Variants in ADAP1 observed in about 807,000 individuals in gnomAD.
ADAP1 encodes the protein arf-GAP with dual PH domain-containing protein 1.
In ADAP1, 31 loss-of-function variants were observed where a neutral mutation model predicts 54.9. That is an observed-to-expected ratio of 0.56 (90% CI 0.42 to 0.76). ADAP1 has a LOEUF of 0.76. ADAP1 is among the 30% of genes least tolerant of loss of function. ADAP1 has a pLI of 0.00. For synonymous variants in ADAP1, 313 were observed against 202.6 expected, an observed-to-expected ratio of 1.55 and a Z score of -4.63; for missense variants, 535 against 512.4, an observed-to-expected ratio of 1.04 and a Z score of -0.42.
chr7:909,518 G>A (rs1026931863), intron 4 of ADAP1, among the ~76,000 whole-genome samples: 26 of 152,374 alleles, frequency 1.7e-4, no homozygotes, highest in Admixed American at 6.5e-4. Flanking sequence ...CCACGGTCCC[G>A]GACGCGCCCC....
intron 2 of ADAP1, among the ~76,000 whole-genome samples, chr7:932,853 G>A (rs544832088): frequency 2.4e-4 from 37 of 152,334 alleles, no homozygotes; most frequent in African/African-American, 8.2e-4. Flanking sequence ...GGGGGATCAC[G>A]GCATTAAGTG....
In ADAP1 at chr7:905,166, C is replaced by T. The variant is rs200025782; in HGVS notation, c.395G>A (p.Arg132His). ...GCCACGCTTCCAGAGAAAACCCTCA[C>T]GGTACCCTGTGGGGGAAAGGGGACA... ...EKQEPYSAGY[R>H]EGFLWKRGRD... The change falls in exon 5 of 11, where the codon CGT becomes CAT. Residue 132 changes from arginine to histidine, a missense_variant. Arg to His is a conservative substitution (Grantham distance 29). Transcript: ENST00000265846. 8.9e-5 allele frequency: 144 copies of T among 1,611,262 alleles called. No individual in the cohort carries two copies. The highest frequency in any genetic ancestry group is 1.1e-4 in the Non-Finnish European group (135 of 1,179,718).
chr7:923,566 C>A (rs1348326502), intron 3 of ADAP1, among the ~76,000 whole-genome samples: 1 of 152,108 alleles, frequency 6.6e-6, no homozygotes, highest in Admixed American at 6.5e-5. Flanking sequence ...AAAGAGGGCA[C>A]ACGAGACCCT....
chr7:906,714 CATCGGGGACGGGACAT>C (rs1845432968), intron 4 of ADAP1, among the ~76,000 whole-genome samples: 6 of 18,522 alleles, frequency 3.2e-4, no homozygotes, highest in Admixed American at 5.4e-4. Context: ...GGGGACGGGA[CATCGGGGACGGGACAT>C]GGGGGACAGA....
At chr7:954,199 G>T (rs1847333711) in intron 1 of ADAP1, among the ~76,000 whole-genome samples, 197 bp downstream of exon 1, 1 of 151,720 alleles carries the variant, frequency 6.6e-6, no homozygotes, top group Non-Finnish European at 1.5e-5. Flanking sequence ...GCCCGGCCCG[G>T]GAAGACGTCC....
At chr7:918,679 G>C (rs1233072200) in intron 4 of ADAP1, among the ~76,000 whole-genome samples, 2 of 152,188 alleles carry the variant, frequency 1.3e-5, no homozygotes, top group African/African-American at 4.8e-5. Flanking sequence ...CTGACGTTCA[G>C]AACCAGGCCC....
chr7:899,426 T>C lies in ADAP1; in HGVS notation c.860A>G (p.Asp287Gly). The C allele has an allele frequency of 6.2e-7, 1 of 1,612,772 alleles. No individual in the cohort carries two copies. The highest frequency in any genetic ancestry group is 2.2e-5 in the East Asian group (1 of 44,834). Reference sequence around the variant, plus strand: ...GCCACAGCTCCTCCTTACCAGGGGGTCTTTGAAGTACATGAGCCTGCGGTC... The same window carrying C: ...GCCACAGCTCCTCCTTACCAGGGGGCCTTTGAAGTACATGAGCCTGCGGTC... The part of the protein sequence containing the change: ...MDDRRLMYFK[D>G]PLDAFARGEV... The change falls in exon 9 of 11, where the codon GAC becomes GGC. Residue 287 changes from aspartate (D) to glycine (G), a missense_variant. Asp to Gly is a moderately conservative substitution (Grantham distance 94). Coordinates refer to ENST00000265846, the MANE Select transcript of ADAP1 (RefSeq NM_006869.4).
In ADAP1 at chr7:950,485, CAAA is replaced by C. The variant is rs59360722; in HGVS notation, c.82+3908_82+3910del. ...TGGGCGACAGAATGAGACTCTGCCTCAAAAAAAAAAAAAAAAAAAAATGAATAC... is the reference window on the plus strand; with the variant it reads ...TGGGCGACAGAATGAGACTCTGCCTCAAAAAAAAAAAAAAAAAATGAATAC... On this transcript the variant is annotated intron_variant, in intron 1 of 10. Transcript: ENST00000265846. Among the ~76,000 whole-genome samples, 792 of 93,072 alleles carry C rather than the reference CAAA, an allele frequency of 8.5e-3. 6 individuals carry two copies. Among genetic ancestry groups the C allele is most frequent in the Middle Eastern group, 0.03 (5 of 166 alleles). The allele number at this position is 93,072 out of a possible 152,430, so 61.1% of individuals were successfully genotyped here. A position where few individuals can be genotyped will look rare whatever the true frequency, so the allele number is the denominator to read the frequency against.
chr7:917,765 T>C (rs1845995323), intron 4 of ADAP1, among the ~76,000 whole-genome samples: 1 of 151,818 alleles, frequency 6.6e-6, no homozygotes, highest in African/African-American at 2.4e-5. Flanking sequence ...GATTCACAAA[T>C]ACGATTCATC....
Position 924,533 on chromosome 7 carries a change from A to G in ADAP1, c.305+2020T>C, listed in dbSNP as rs375557575. Among the ~76,000 whole-genome samples, 27 of 79,158 alleles carry G rather than the reference A, an allele frequency of 3.4e-4. 1 individual carries two copies. The highest frequency in any genetic ancestry group is 1.0e-3 in the East Asian group (2 of 1,916). The allele number at this position is 79,158 out of a possible 152,430, so 51.9% of individuals were successfully genotyped here. On this transcript the variant is annotated intron_variant, in intron 3 of 10. Coordinates refer to ENST00000265846, the MANE Select transcript of ADAP1 (RefSeq NM_006869.4). ...CCTCCAGATTACACAGCAGGTCCAC[A>G]CTGCACCCCCTGCCCTCCAGGTCCA... is the stretch of plus-strand genomic sequence containing the variant.
At chr7:943,260 G>T (rs1847025633) in intron 1 of ADAP1, among the ~76,000 whole-genome samples, 1 of 23,984 alleles carries the variant, frequency 4.2e-5, no homozygotes, top group Non-Finnish European at 7.2e-5. Flanking sequence ...GGAAGGGAGA[G>T]GAGGAGGAAG....
intron 4 of ADAP1, among the ~76,000 whole-genome samples, chr7:913,198 C>CTT (rs10698107): frequency 0.33 from 34,704 of 104,056 alleles, 5,966 homozygotes; most frequent in Non-Finnish European, 0.37. Context: ...CCTCCCCTTC[C>CTT]TTTTTTTTTT....
chr7:943,987 C>T (rs1320292643), intron 1 of ADAP1, among the ~76,000 whole-genome samples: 2 of 152,022 alleles, frequency 1.3e-5, no homozygotes, highest in East Asian at 3.9e-4. Flanking sequence ...GCAATCATGG[C>T]TCACTGCAGC....
chr7:900,481 C>T (rs1844735823), intron 7 of ADAP1, 52 bp downstream of exon 7: 8 of 1,380,320 alleles, frequency 5.8e-6, no homozygotes, highest in Admixed American at 5.8e-5. Flanking sequence ...CGTCCACCCC[C>T]CACCCCACCA....
rs992034216 is a variant in ADAP1 at position 920,157 on chromosome 7, C to T, written c.306-107G>A. 2 of 981,756 alleles carry T rather than the reference C, an allele frequency of 2.0e-6. No individual in the cohort carries two copies. The highest frequency in any genetic ancestry group is 3.0e-6 in the Non-Finnish European group (2 of 663,282). 60.8% of individuals were successfully genotyped at this position (981,756 alleles called of 1,614,324 possible). On this transcript the variant is annotated intron_variant, in intron 3 of 10. Transcript: ENST00000265846. This position sits in a 1 kb window ranked among gnomAD's most constrained non-coding sequence, Gnocchi z 4.5. ...ACATCTCAAGAGGCTCATAGGGACC[C>T]CCGGCAGACTCGAGCCGCCCCTCTG...
chr7:924,578 C>T (rs189150238), intron 3 of ADAP1, among the ~76,000 whole-genome samples: 5 of 150,354 alleles, frequency 3.3e-5, no homozygotes, highest in African/African-American at 4.9e-5. Context: ...CCCCGCCCTC[C>T]AAGTTATACT....
chr7:900,818 G>A, intron 6 of ADAP1: 2 of 641,268 alleles, frequency 3.1e-6, no homozygotes, highest in East Asian at 2.9e-5. Flanking sequence ...CACAGGGGCT[G>A]CCCCTCTGCG....
chr7:946,414 AG>A lies in ADAP1; in HGVS notation c.82+7981del, dbSNP rs1245410630. ...TGTGAGGATGGGGCCCTTTGGCCCT[AG>A]GAACAGGCCCTCCCAGGACCCAGAT... On this transcript the variant is annotated intron_variant, in intron 1 of 10. Coordinates refer to ENST00000265846, the MANE Select transcript of ADAP1 (RefSeq NM_006869.4). This position sits in a 1 kb window ranked among gnomAD's most constrained non-coding sequence, Gnocchi z 4.3. Among the ~76,000 whole-genome samples, 2 of 151,894 alleles carry A rather than the reference AG, an allele frequency of 1.3e-5. No individual in the cohort carries two copies. Among genetic ancestry groups the A allele is most frequent in the Admixed American group, 6.6e-5 (1 of 15,260 alleles).
chr7:930,647 C>T (rs938344400), intron 2 of ADAP1, among the ~76,000 whole-genome samples: 2 of 151,624 alleles, frequency 1.3e-5, no homozygotes, highest in East Asian at 2.0e-4. Flanking sequence ...GGCAAAACCC[C>T]GTCTCTATTA....
Sources: allele counts gnomAD v4.1 joint callset (sites outside exome capture counted in the v4.1 genomes callset), GRCh38; gene constraint gnomAD v4.1.1; non-coding constraint Gnocchi (gnomAD v3.1); transcripts MANE v1.5; gene names NCBI Gene and HGNC (gene_info 2026-07-23, HGNC 2026-07-21).